Variants in FSTL4 observed in about 807,000 individuals in gnomAD.
FSTL4 encodes follistatin-related protein 4.
In FSTL4, 28 loss-of-function variants were observed where a neutral mutation model predicts 78.2. That is an observed-to-expected ratio of 0.36 (90% CI 0.27 to 0.49). The LOEUF is 0.49. Among genes scored for constraint, FSTL4 ranks in the 20% least tolerant of loss-of-function variants. The pLI, the probability that FSTL4 is intolerant of heterozygous loss-of-function variation, is 0.98. For synonymous variants in FSTL4, 422 were observed against 440.5 expected (o/e 0.96, Z 0.53); for missense variants, 922 against 1,084.9 (o/e 0.85, Z 2.11).
At chr5:133,822,301 G>A in the FSTL4 span, among the ~76,000 whole-genome samples, 54 of 152,216 alleles carry the variant, frequency 3.5e-4, no homozygotes, top group African/African-American at 1.2e-3. Flanking sequence ...TGTTAAGTTA[G>A]CCTTTTGAGA....
intron 3 of FSTL4, among the ~76,000 whole-genome samples, chr5:133,544,855 A>G (rs1412209958): frequency 6.6e-6 from 1 of 152,234 alleles, no homozygotes. Context: ...AGAGCTCAAC[A>G]GAGATTTTAC....
chr5:133,436,462 G>C (rs1352486450), intron 3 of FSTL4, among the ~76,000 whole-genome samples: 1 of 152,144 alleles, frequency 6.6e-6, no homozygotes, highest in African/African-American at 2.4e-5. Flanking sequence ...GGCTAGAAAG[G>C]TTAATAGGGT....
chr5:133,557,158 T>C (rs1217276100), intron 3 of FSTL4, among the ~76,000 whole-genome samples: 1 of 152,320 alleles, frequency 6.6e-6, no homozygotes, highest in East Asian at 1.9e-4. Context: ...GTGCCCTTTA[T>C]TTGTCATCAG....
In FSTL4 at chr5:133,199,910, C is replaced by CT; in HGVS notation, c.1827-114dup. ...CCCTTTATTATAATCCTTCAGTGATCTAATAGCCTAGTAATAAGATCTATC... is the reference window on the plus strand; with the variant it reads ...CCCTTTATTATAATCCTTCAGTGATCTTAATAGCCTAGTAATAAGATCTATC... On this transcript the variant is annotated intron_variant, in intron 15 of 15. Transcript: ENST00000265342. This position sits in a 1 kb window ranked among gnomAD's most constrained non-coding sequence, Gnocchi z 4.4. 1.6e-6 allele frequency: 1 copy of CT among 617,282 alleles called. No homozygotes were observed. The highest frequency in any genetic ancestry group is 2.8e-5 in the East Asian group (1 of 36,248). 38.2% of individuals were successfully genotyped at this position (617,282 alleles called of 1,614,324 possible). A position where few individuals can be genotyped will look rare whatever the true frequency, so the allele number is the denominator to read the frequency against.
At chr5:133,493,152 G>T (rs1216610440) in intron 3 of FSTL4, among the ~76,000 whole-genome samples, 1 of 151,582 alleles carries the variant, frequency 6.6e-6, no homozygotes, top group Non-Finnish European at 1.5e-5. Context: ...CTTTTACATT[G>T]TGTTTTATTA....
At chr5:133,640,973 T>G in the FSTL4 span, among the ~76,000 whole-genome samples, 1 of 152,232 alleles carries the variant, frequency 6.6e-6, no homozygotes, top group Non-Finnish European at 1.5e-5. Context: ...AGAATTTCCA[T>G]GTGACTGCTC....
intron 3 of FSTL4, among the ~76,000 whole-genome samples, chr5:133,518,928 C>T (rs1451177488): frequency 6.6e-6 from 1 of 152,218 alleles, no homozygotes; most frequent in Non-Finnish European, 1.5e-5. Context: ...CCATGGAATG[C>T]ATTAAATTAA....
At chr5:133,216,036 A>C (rs1025427631) in intron 13 of FSTL4, among the ~76,000 whole-genome samples, 4 of 152,212 alleles carry the variant, frequency 2.6e-5, no homozygotes, top group Admixed American at 2.0e-4. Context: ...TCTGTGGATT[A>C]GGATGTAGAC....
intron 2 of FSTL4, among the ~76,000 whole-genome samples, chr5:133,598,230 C>G (rs122535): frequency 0.88 from 134,218 of 152,028 alleles, 59,318 homozygotes; most frequent in East Asian, 0.97. Flanking sequence ...TGTGTGCATG[C>G]GAGGAGGCAG....
At chr5:133,493,417 G>A (rs1337154939) in intron 3 of FSTL4, among the ~76,000 whole-genome samples, 7 of 152,156 alleles carry the variant, frequency 4.6e-5, no homozygotes, top group South Asian at 2.1e-4. Context: ...TTTCTGTAAC[G>A]TGTAAGTAGT....
chr5:133,446,629 C>T lies in FSTL4; in HGVS notation c.161-45643G>A, dbSNP rs568480599. Among the ~76,000 whole-genome samples the T allele has an allele frequency of 1.4e-4, 22 of 152,328 alleles. No individual in the cohort carries two copies. In the East Asian group the frequency reaches 1.5e-3, roughly 11 times the overall value. On this transcript the variant is annotated intron_variant, in intron 3 of 15. Transcript: ENST00000265342. ...GGAACACACTGGGGCTCCTCCCTCCCGGGGCCCTCCGCAGGTGGGAATCAG... is the reference window on the plus strand; with the variant it reads ...GGAACACACTGGGGCTCCTCCCTCCTGGGGCCCTCCGCAGGTGGGAATCAG...
intron 4 of FSTL4, among the ~76,000 whole-genome samples, chr5:133,343,092 C>T (rs1037574742): frequency 2.0e-5 from 3 of 152,142 alleles, no homozygotes; most frequent in Non-Finnish European, 2.9e-5. Context: ...ATGCTCTTGT[C>T]GCACGGGTGA....
chr5:133,766,000 G>A, the FSTL4 span, among the ~76,000 whole-genome samples: 1,629 of 152,206 alleles, frequency 0.011, 38 homozygotes, highest in African/African-American at 0.038. Flanking sequence ...CAATCTCTCC[G>A]GCATATTTTC....
At chr5:133,569,661 C>G (rs1416485069) in intron 2 of FSTL4, among the ~76,000 whole-genome samples, 1 of 152,180 alleles carries the variant, frequency 6.6e-6, no homozygotes, top group Non-Finnish European at 1.5e-5. Flanking sequence ...GTACTTTTCT[C>G]TGGCATTTAA....
the FSTL4 span, among the ~76,000 whole-genome samples, chr5:133,622,667 C>T: frequency 6.6e-6 from 1 of 152,078 alleles, no homozygotes; most frequent in African/African-American, 2.4e-5. Flanking sequence ...TCTCTAATGG[C>T]TCATGATGTT....
At chr5:133,275,903 C>T (rs1405680149) in intron 6 of FSTL4, 2 of 152,282 alleles carry the variant, frequency 1.3e-5, no homozygotes, top group Non-Finnish European at 1.5e-5. Context: ...CAGAGTCAGC[C>T]GTGAGCGCTG....
chr5:133,230,003 C>T (rs1581548994), intron 8 of FSTL4, among the ~76,000 whole-genome samples: 1 of 152,314 alleles, frequency 6.6e-6, no homozygotes, highest in Non-Finnish European at 1.5e-5. Context: ...CACCCTCTCA[C>T]TTCACCCAGG....
At chr5:133,479,518 C>A (rs1432644626) in intron 3 of FSTL4, among the ~76,000 whole-genome samples, 1 of 152,206 alleles carries the variant, frequency 6.6e-6, no homozygotes, top group Non-Finnish European at 1.5e-5. Context: ...TATGATTCAG[C>A]AACCAAAAGA....
intron 4 of FSTL4, among the ~76,000 whole-genome samples, chr5:133,330,873 G>T (rs141877127): frequency 2.6e-5 from 4 of 152,152 alleles, no homozygotes; most frequent in African/African-American, 7.2e-5. Flanking sequence ...AAAGAACAGC[G>T]GGAACAGTGT....
Sources: gnomAD v4.1 joint callset for allele counts (sites outside exome capture counted in the v4.1 genomes callset) on GRCh38, gnomAD v4.1.1 for gene constraint, Gnocchi (gnomAD v3.1) non-coding constraint, MANE v1.5 for transcripts, NCBI Gene and HGNC (gene_info 2026-07-23, HGNC 2026-07-21) for gene names.